Variants in ADORA2A observed in about 807,000 individuals in gnomAD.
ADORA2A encodes adenosine A2a receptor.
In ADORA2A, 11 loss-of-function variants were observed where a neutral mutation model predicts 18.4. The ratio of observed to expected loss-of-function variants is 0.60; its 90% CI spans 0.38 to 0.99. The LOEUF (loss-of-function observed/expected upper bound fraction) is 0.99. Among genes scored for constraint, ADORA2A ranks in the 50% least tolerant of loss-of-function variants. The pLI, the probability that ADORA2A is intolerant of heterozygous loss-of-function variation, is 0.01. For missense variants in ADORA2A, 449 were observed against 556.1 expected (o/e 0.81, Z 1.94); for synonymous variants, 218 against 237.3 (o/e 0.92, Z 0.75).
intron 2 of ADORA2A, chr22:24,439,297 G>C (rs1297910434): frequency 1.3e-5 from 2 of 151,692 alleles, no homozygotes; most frequent in Non-Finnish European, 2.9e-5. Flanking sequence ...TCCTGACCTC[G>C]TGATCCGCCT....
rs1016649668 is a variant in ADORA2A at position 24,433,237 on chromosome 22, G to A, written c.-168G>A. ...AGAGTCCTCTGTGAAAAAGCCCTTGGAGAGCGCCCCAGCAGGGCTGCACTT... is the reference window on the plus strand; with the variant it reads ...AGAGTCCTCTGTGAAAAAGCCCTTGAAGAGCGCCCCAGCAGGGCTGCACTT... On this transcript the variant is annotated 5_prime_UTR_variant, in exon 2 of 3. Coordinates refer to ENST00000337539, the MANE Select transcript of ADORA2A (RefSeq NM_000675.6). 8 of 646,040 alleles carry A rather than the reference G, an allele frequency of 1.2e-5. No individual in the cohort carries two copies. Among genetic ancestry groups the A allele is most frequent in the African/African-American group, 3.7e-5 (2 of 54,656 alleles). 40.0% of individuals were successfully genotyped at this position (646,040 alleles called of 1,614,324 possible). A position where few individuals can be genotyped will look rare whatever the true frequency, so the allele number is the denominator to read the frequency against.
chr22:24,435,230 T>C (rs557484611), intron 2 of ADORA2A, among the ~76,000 whole-genome samples: 5 of 152,308 alleles, frequency 3.3e-5, no homozygotes, highest in East Asian at 3.9e-4. Context: ...CCTCCATCCA[T>C]TGCTCTGCGA....
chr22:24,432,132 G>A (rs1471902772), intron 1 of ADORA2A: 1 of 153,842 alleles, frequency 6.5e-6, no homozygotes, highest in African/African-American at 2.4e-5. Context: ...GGCGTGGGAG[G>A]AGGGAGGTGA....
At chr22:24,436,676 C>G (rs2043187083) in intron 2 of ADORA2A, among the ~76,000 whole-genome samples, 2 of 152,200 alleles carry the variant, frequency 1.3e-5, no homozygotes, top group South Asian at 4.1e-4. Flanking sequence ...GTTTGAGGAA[C>G]AGGCCAAGGT....
chr22:24,441,589 C>T lies in ADORA2A; in HGVS notation c.*100C>T. On this transcript the variant is annotated 3_prime_UTR_variant, in exon 3 of 3. Transcript: ENST00000337539. ...GAGAAGAGAGAGAGTGCCAGGAGACCCTGAGGGCAGCCGGTTCCTACTTTG... is the reference window on the plus strand; with the variant it reads ...GAGAAGAGAGAGAGTGCCAGGAGACTCTGAGGGCAGCCGGTTCCTACTTTG... The T allele has an allele frequency of 8.0e-7, 1 of 1,250,360 alleles. No homozygotes were observed. Among genetic ancestry groups the T allele is most frequent in the South Asian group, 2.1e-5 (1 of 46,874 alleles). The allele number at this position is 1,250,360 out of a possible 1,614,324, so 77.5% of individuals were successfully genotyped here. A position where few individuals can be genotyped will look rare whatever the true frequency, so the allele number is the denominator to read the frequency against.
rs200446971 is a variant in ADORA2A at position 24,440,800 on chromosome 22, G to A, written c.550G>A (p.Ala184Thr). 51 of 1,614,080 alleles carry A rather than the reference G, an allele frequency of 3.2e-5. No individual in the cohort carries two copies. The highest frequency in any genetic ancestry group is 3.7e-5 in the Non-Finnish European group (44 of 1,180,038). The change falls in exon 3 of 3, where the codon GCC (alanine) becomes ACC (threonine). Residue 184 changes from alanine (A) to threonine (T), a missense_variant. Ala to Thr is a moderately conservative substitution (Grantham distance 58, BLOSUM62 0). Coordinates refer to ENST00000337539, the MANE Select transcript of ADORA2A (RefSeq NM_000675.6). Reference protein sequence around the residue: ...MNYMVYFNFFACVLVPLLLML... With the variant: ...MNYMVYFNFFTCVLVPLLLML... Reference sequence around the variant, plus strand: ...CTACATGGTGTACTTCAACTTCTTTGCCTGTGTGCTGGTGCCCCTGCTGCT... The same window carrying A: ...CTACATGGTGTACTTCAACTTCTTTACCTGTGTGCTGGTGCCCCTGCTGCT...
At chr22:24,424,466 G>A (rs1327512019), upstream of ADORA2A, 1 of 152,296 alleles carries the variant, frequency 6.6e-6, no homozygotes, top group Non-Finnish European at 1.5e-5. This position sits in a 1 kb window ranked among gnomAD's most constrained non-coding sequence, Gnocchi z 4.9. Flanking sequence ...CGGGGGCGCA[G>A]AGGCGCTTCC....
At chr22:24,437,960 C>T (rs913478781) in intron 2 of ADORA2A, among the ~76,000 whole-genome samples, 4 of 152,264 alleles carry the variant, frequency 2.6e-5, no homozygotes, top group African/African-American at 7.2e-5. Flanking sequence ...GGAATGTGGG[C>T]GACAAGGTTT....
intron 1 of ADORA2A, chr22:24,431,699 G>A (rs2043041067): frequency 3.1e-5 from 11 of 355,362 alleles, no homozygotes; most frequent in South Asian, 2.3e-4. Context: ...GGAGGGGGTA[G>A]ATTTGGGGGC....
At chr22:24,437,909 C>T (rs564009223) in intron 2 of ADORA2A, among the ~76,000 whole-genome samples, 1 of 152,390 alleles carries the variant, frequency 6.6e-6, no homozygotes, top group South Asian at 2.1e-4. Flanking sequence ...ATTTAATAAG[C>T]CCCTTCCCTT....
At chr22:24,431,598 T>C (rs1568945140) in intron 1 of ADORA2A, 3 of 425,250 alleles carry the variant, frequency 7.1e-6, no homozygotes, top group Non-Finnish European at 1.4e-5. Flanking sequence ...GCTGCCCGAG[T>C]CCACGTGAAA....
chr22:24,434,733 C>T (rs1329184294), intron 2 of ADORA2A, among the ~76,000 whole-genome samples: 1 of 152,198 alleles, frequency 6.6e-6, no homozygotes, highest in Admixed American at 6.5e-5. Flanking sequence ...GAAGCCACAG[C>T]AGGTTGAGGG....
intron 2 of ADORA2A, among the ~76,000 whole-genome samples, chr22:24,434,816 A>ACCGC (rs1344784791): frequency 6.6e-6 from 1 of 152,248 alleles, no homozygotes; most frequent in Non-Finnish European, 1.5e-5. Context: ...AGGGGCCCTT[A>ACCGC]GAGGTCATTT....
upstream of ADORA2A, among the ~76,000 whole-genome samples, chr22:24,424,124 C>A (rs996750853): frequency 3.3e-5 from 5 of 151,888 alleles, no homozygotes; most frequent in Non-Finnish European, 5.9e-5. This position sits in a 1 kb window ranked among gnomAD's most constrained non-coding sequence, Gnocchi z 4.9. Flanking sequence ...TCCTTTCCCG[C>A]CGCCCCGAGA....
intron 1 of ADORA2A, among the ~76,000 whole-genome samples, chr22:24,428,550 G>A (rs569723431): frequency 3.3e-4 from 50 of 152,140 alleles, no homozygotes; most frequent in Non-Finnish European, 5.9e-4. Flanking sequence ...TCTTGTCTAC[G>A]GATGCCATTC....
chr22:24,433,190 A>C lies in ADORA2A; in HGVS notation c.-215A>C. 1.7e-6 allele frequency: 1 copy of C among 593,820 alleles called. No homozygotes were observed. The allele number at this position is 593,820 out of a possible 1,614,324, so 36.8% of individuals were successfully genotyped here. ...GATGCTGCTGCCAGAACCCCTGCAGAGGGCCTGGTTTCAGGAGACTCAGAG... is the reference window on the plus strand; with the variant it reads ...GATGCTGCTGCCAGAACCCCTGCAGCGGGCCTGGTTTCAGGAGACTCAGAG... On this transcript the variant is annotated 5_prime_UTR_variant, in exon 2 of 3. Transcript: ENST00000337539.
chr22:24,423,807 C>CCCCCTCCGGCCTCGGTTT (rs2042886018), upstream of ADORA2A: 1 of 152,074 alleles, frequency 6.6e-6, no homozygotes, highest in African/African-American at 2.4e-5. Context: ...TGCCTCGGGT[C>CCCCCTCCGGCCTCGGTTT]CCCCTCCGGC....
intron 1 of ADORA2A, chr22:24,431,388 G>A: frequency 2.2e-6 from 1 of 456,698 alleles, no homozygotes; most frequent in Non-Finnish European, 4.4e-6. Flanking sequence ...TGCCAATCCT[G>A]TTCCAGCCAC....
At chr22:24,439,964 T>C (rs1345650007) in intron 2 of ADORA2A, among the ~76,000 whole-genome samples, 1 of 152,174 alleles carries the variant, frequency 6.6e-6, no homozygotes, top group Non-Finnish European at 1.5e-5. Flanking sequence ...TTACCCTCCA[T>C]GCTGCCTCTC....
Sources: gnomAD v4.1 joint callset for allele counts (sites outside exome capture counted in the v4.1 genomes callset) on GRCh38, gnomAD v4.1.1 for gene constraint, Gnocchi (gnomAD v3.1) non-coding constraint, MANE v1.5 for transcripts, NCBI Gene and HGNC (gene_info 2026-07-23, HGNC 2026-07-21) for gene names.